The following LRRFIP1 variants were observed in gnomAD, a reference collection of about 807,000 sequenced individuals.
LRRFIP1 encodes the protein LRR binding FLII interacting protein 1.
A neutral mutation model predicts 104.4 loss-of-function variants in LRRFIP1; 62 were observed. That is an observed-to-expected ratio of 0.59 (90% CI 0.48 to 0.73). LRRFIP1 has a LOEUF of 0.73. LRRFIP1 is among the 30% of genes least tolerant of loss of function. The pLI, the probability that LRRFIP1 is intolerant of heterozygous loss-of-function variation, is 0.00. For synonymous variants in LRRFIP1, 300 were observed against 299.0 expected (o/e 1.00, Z -0.03); for missense variants, 796 against 824.5 (o/e 0.97, Z 0.42).
chr2:237,685,683 C>A (rs911213243), intron 1 of LRRFIP1, among the ~76,000 whole-genome samples: 1 of 152,196 alleles, frequency 6.6e-6, no homozygotes, highest in Admixed American at 6.5e-5. Context: ...GCTCCCCACA[C>A]CCAGCCTTTG....
intron 1 of LRRFIP1, among the ~76,000 whole-genome samples, chr2:237,642,383 G>A (rs1000063739): frequency 6.6e-6 from 1 of 152,194 alleles, no homozygotes; most frequent in African/African-American, 2.4e-5. Flanking sequence ...TAGGCTGAGG[G>A]TTTTGGTTCT....
At chr2:237,683,940 A>G (rs1373245007) in intron 1 of LRRFIP1, among the ~76,000 whole-genome samples, 2 of 152,102 alleles carry the variant, frequency 1.3e-5, no homozygotes, top group Non-Finnish European at 2.9e-5. Flanking sequence ...ATGGAGTCCT[A>G]TTCTCCCCAC....
At chr2:237,761,605 A>G (rs2059880039) in intron 19 of LRRFIP1, among the ~76,000 whole-genome samples, 1 of 152,248 alleles carries the variant, frequency 6.6e-6, no homozygotes, top group Admixed American at 6.5e-5. Context: ...GTAGGATCCA[A>G]TATGTATGTT....
intron 1 of LRRFIP1, among the ~76,000 whole-genome samples, chr2:237,687,370 T>C (rs917656073): frequency 1.3e-5 from 2 of 151,910 alleles, no homozygotes; most frequent in African/African-American, 4.8e-5. Context: ...TTTGGGAGGG[T>C]GAGGCGGGTG....
chr2:237,683,577 T>G (rs992512135), intron 1 of LRRFIP1: 22 of 152,256 alleles, frequency 1.4e-4, no homozygotes, highest in African/African-American at 5.1e-4. Context: ...TGTACTCGAA[T>G]AGTTGATGAC....
chr2:237,763,436 A>G, intron 19 of LRRFIP1: 1 of 1,613,682 alleles, frequency 6.2e-7, no homozygotes, highest in Non-Finnish European at 8.5e-7. Context: ...CAAGAAAAAG[A>G]AAAACAAGAA....
At chr2:237,648,634 T>C (rs763025633) in intron 1 of LRRFIP1, among the ~76,000 whole-genome samples, 1 of 151,350 alleles carries the variant, frequency 6.6e-6, no homozygotes, top group South Asian at 2.1e-4. Context: ...GGGGGAGTCA[T>C]ATAAACTCAA....
chr2:237,737,772 G>A (rs901502655), intron 10 of LRRFIP1, among the ~76,000 whole-genome samples: 1 of 152,136 alleles, frequency 6.6e-6, no homozygotes, highest in African/African-American at 2.4e-5. Flanking sequence ...TGATTTTCTT[G>A]TATATCTCAA....
In LRRFIP1 at chr2:237,708,620, A is replaced by C; in HGVS notation, c.173A>C (p.Gln58Pro). 6.3e-7 allele frequency: 1 copy of C among 1,598,482 alleles called. No individual in the cohort carries two copies. Among genetic ancestry groups the C allele is most frequent in the Non-Finnish European group, 8.5e-7 (1 of 1,170,586 alleles). The change falls in exon 2 of 24, where the codon CAG (glutamine) becomes CCG (proline). Residue 58 changes from glutamine (Q) to proline (P), a missense_variant. Gln to Pro is a moderately conservative substitution (Grantham distance 76). Transcript: ENST00000308482. Reference sequence around the variant, plus strand: ...ATCCGCATGAAGGAGCTGGAGCGGCAGCAGAAGGAGGTAACGCTTGGGGCT... The same window carrying C: ...ATCCGCATGAAGGAGCTGGAGCGGCCGCAGAAGGAGGTAACGCTTGGGGCT... ...REIRMKELER[Q>P]QKEIYQVQKK... is the part of the protein sequence containing the mutation.
At chr2:237,725,840 T>C (rs1444790747) in intron 7 of LRRFIP1, among the ~76,000 whole-genome samples, 1 of 152,206 alleles carries the variant, frequency 6.6e-6, no homozygotes, top group East Asian at 1.9e-4. Context: ...GCTGGAGAAC[T>C]ACAGTGCAAA....
chr2:237,647,764 C>CCGTGG (rs1297544595), intron 1 of LRRFIP1, among the ~76,000 whole-genome samples: 2 of 142,086 alleles, frequency 1.4e-5, no homozygotes, highest in African/African-American at 5.6e-5. Context: ...CCCTGTCACC[C>CCGTGG]CGTGGCCGGC....
chr2:237,747,851 A>G (rs951882112), intron 11 of LRRFIP1, among the ~76,000 whole-genome samples: 1 of 152,180 alleles, frequency 6.6e-6, no homozygotes, highest in South Asian at 2.1e-4. Context: ...CCAAAAAATA[A>G]AAAAAGCAGC....
At chr2:237,771,359 A>T (rs2060609489) in intron 20 of LRRFIP1, among the ~76,000 whole-genome samples, 1 of 152,000 alleles carries the variant, frequency 6.6e-6, no homozygotes, top group African/African-American at 2.4e-5. Flanking sequence ...CATAGCTTGA[A>T]TTTGCCCTGC....
Position 237,707,212 on chromosome 2 carries a change from C to T in LRRFIP1, c.97-1332C>T, listed in dbSNP as rs372750957. 4.0e-5 allele frequency among the ~76,000 whole-genome samples: 6 copies of T among 151,658 alleles called. No individual in the cohort carries two copies. In the East Asian group the frequency reaches 7.7e-4, roughly 20 times the overall value. On this transcript the variant is annotated intron_variant, in intron 1 of 23. Coordinates refer to ENST00000308482, the MANE Select transcript of LRRFIP1 (RefSeq NM_001137550.2). ...GTAAGTCTAGGATGGGAGAGAGGGA[C>T]GTCCCTGTCAGGACCACCCCCATGC...
chr2:237,740,089 T>G (rs1377055230), intron 11 of LRRFIP1, among the ~76,000 whole-genome samples: 1 of 152,044 alleles, frequency 6.6e-6, no homozygotes, highest in Admixed American at 6.6e-5. Flanking sequence ...AAGGCTTCCC[T>G]GTTCGTCTCC....
At position 237,723,580 on chromosome 2, in the gene LRRFIP1, C is replaced by G. The variant is rs558342936; in HGVS notation, c.378C>G (p.Tyr126Ter). 25 of 1,608,476 alleles carry G rather than the reference C, an allele frequency of 1.6e-5. 1 individual carries two copies. The South Asian group carries it at 2.7e-4, about 18-fold the overall frequency. Reference sequence around the variant, plus strand: ...CTGACTTGGAGTATGGGGGTCCTTACGCCTGGGTGAGATGGTCGGATATAC... The same window carrying G: ...CTGACTTGGAGTATGGGGGTCCTTAGGCCTGGGTGAGATGGTCGGATATAC... ...SQPDLEYGGP[Y>*]AWTNGYDGEL... The change falls in exon 7 of 24, where the codon TAC becomes TAG. Residue 126 changes from tyrosine to a stop codon, truncating the protein, a stop_gained. Transcript: ENST00000308482. LOFTEE classifies it high-confidence loss of function.
rs1469491446 is a variant in LRRFIP1 at position 237,751,197 on chromosome 2, C to T, written c.796-3C>T. The T allele has an allele frequency of 6.2e-7, 1 of 1,605,016 alleles. No homozygotes were observed. The highest frequency in any genetic ancestry group is 1.1e-5 in the South Asian group (1 of 88,216). ...CATCTGCCTTTTTTGCCATTTCCCC[C>T]AGGAACTCAATGAGTTAAAGGACCA... On this transcript the variant is annotated splice_polypyrimidine_tract_variant and splice_region_variant and intron_variant, in intron 13 of 23. Transcript: ENST00000308482.
intron 1 of LRRFIP1, among the ~76,000 whole-genome samples, chr2:237,668,632 C>G (rs968927959): frequency 5.9e-5 from 9 of 152,160 alleles, no homozygotes; most frequent in African/African-American, 2.2e-4. Flanking sequence ...CTCAGTTCCC[C>G]CTCCTCCAGG....
At chr2:237,668,164 T>C (rs1368938927) in intron 1 of LRRFIP1, among the ~76,000 whole-genome samples, 1 of 151,944 alleles carries the variant, frequency 6.6e-6, no homozygotes, top group Non-Finnish European at 1.5e-5. Flanking sequence ...CCCTCCTCGG[T>C]GAAATCGTGA....
Sources: allele counts gnomAD v4.1 joint callset (sites outside exome capture counted in the v4.1 genomes callset), GRCh38; gene constraint gnomAD v4.1.1; transcripts MANE v1.5; gene names NCBI Gene and HGNC (gene_info 2026-07-23, HGNC 2026-07-21).